The following GRM5 variants were observed in gnomAD, a reference collection of about 807,000 sequenced individuals.
GRM5 encodes glutamate metabotropic receptor 5.
Under a neutral mutation model 83.1 loss-of-function variants are expected in GRM5, and 19 were observed. The ratio of observed to expected loss-of-function variants is 0.23; its 90% CI spans 0.16 to 0.34. The LOEUF (loss-of-function observed/expected upper bound fraction) is 0.34, where lower values mean the gene tolerates loss of function less well. Among genes scored for constraint, GRM5 ranks in the 10% least tolerant of loss-of-function variants. The probability of loss-of-function intolerance (pLI) is 1.00; values close to 1 mark genes in which losing one functional copy is unlikely to be tolerated. For missense variants in GRM5, 1,160 were observed against 1,588.3 expected, an observed-to-expected ratio of 0.73 and a Z score of 4.58; for synonymous variants, 675 against 633.6, an observed-to-expected ratio of 1.07 and a Z score of -0.98.
chr11:88,816,004 G>C (rs1352152801), intron 3 of GRM5, among the ~76,000 whole-genome samples: 17 of 148,270 alleles, frequency 1.1e-4, no homozygotes, highest in African/African-American at 4.4e-4. Flanking sequence ...ATGAGGTCAG[G>C]AGATCGAGAC....
At chr11:88,565,396 G>C (rs1411351784) in intron 8 of GRM5, among the ~76,000 whole-genome samples, 11 of 152,200 alleles carry the variant, frequency 7.2e-5, no homozygotes, top group Admixed American at 7.2e-4. Context: ...GGCAGCCAGT[G>C]TTCTCTGCCA....
At chr11:88,990,653 G>A (rs1939931012) in intron 2 of GRM5, among the ~76,000 whole-genome samples, 1 of 149,880 alleles carries the variant, frequency 6.7e-6, no homozygotes, top group African/African-American at 2.5e-5. Flanking sequence ...ACATCAAAAA[G>A]CTTATCCACC....
intron 4 of GRM5, among the ~76,000 whole-genome samples, chr11:88,637,069 T>C (rs918833040): frequency 6.6e-6 from 1 of 151,786 alleles, no homozygotes; most frequent in Non-Finnish European, 1.5e-5. Flanking sequence ...TTTAAAGTAG[T>C]TTTTTCCAAT....
At chr11:88,626,816 T>C (rs1013281037) in intron 4 of GRM5, among the ~76,000 whole-genome samples, 1 of 152,222 alleles carries the variant, frequency 6.6e-6, no homozygotes, top group African/African-American at 2.4e-5. Flanking sequence ...ATAAAGAAGA[T>C]ACAAAAAAAA....
chr11:88,732,656 G>A (rs1157482975), intron 3 of GRM5, among the ~76,000 whole-genome samples: 3 of 152,032 alleles, frequency 2.0e-5, no homozygotes, highest in Admixed American at 2.0e-4. Flanking sequence ...GACTTAAAGT[G>A]AAAAATACTC....
intron 2 of GRM5, among the ~76,000 whole-genome samples, chr11:88,971,472 C>T (rs1939162494): frequency 6.6e-6 from 1 of 152,058 alleles, no homozygotes; most frequent in Admixed American, 6.6e-5. Context: ...CTTTTTTCCC[C>T]TTCTTTGCAT....
intron 3 of GRM5, among the ~76,000 whole-genome samples, chr11:88,849,446 T>C (rs60939373): frequency 0.028 from 4,189 of 152,232 alleles, 198 homozygotes; most frequent in African/African-American, 0.094. Flanking sequence ...TTTTGTGATA[T>C]AAAATAACAA....
At chr11:88,595,444 T>G (rs1364261597) in intron 6 of GRM5, among the ~76,000 whole-genome samples, 1 of 152,170 alleles carries the variant, frequency 6.6e-6, no homozygotes, top group Non-Finnish European at 1.5e-5. Flanking sequence ...GTTCTAATTT[T>G]TACTTCTGTG....
intron 2 of GRM5, among the ~76,000 whole-genome samples, chr11:88,982,022 C>T (rs1939869682): frequency 1.3e-5 from 2 of 152,158 alleles, no homozygotes. Flanking sequence ...TGATGTATTG[C>T]TCCAACATGT....
At chr11:88,509,576 G>T in intron 9 of GRM5, 72 bp from the exon 10 acceptor site, 1 of 1,147,588 alleles carries the variant, frequency 8.7e-7, no homozygotes, top group Non-Finnish European at 1.3e-6. Flanking sequence ...TTCCCCAATG[G>T]TGGTTGCTCA....
At chr11:88,576,360 CTT>C (rs1429584594) in intron 7 of GRM5, among the ~76,000 whole-genome samples, 1 of 152,162 alleles carries the variant, frequency 6.6e-6, no homozygotes, top group Admixed American at 6.5e-5. Flanking sequence ...AGTATTGTCT[CTT>C]TGAAATGGTA....
chr11:89,057,824 C>T (rs1941909536), intron 1 of GRM5, among the ~76,000 whole-genome samples: 1 of 152,106 alleles, frequency 6.6e-6, no homozygotes, highest in Non-Finnish European at 1.5e-5. Context: ...TCTCCACTTA[C>T]TTATTAATAC....
intron 8 of GRM5, among the ~76,000 whole-genome samples, chr11:88,557,171 C>T (rs907211642): frequency 6.6e-6 from 1 of 151,892 alleles, no homozygotes; most frequent in East Asian, 1.9e-4. Context: ...TATGTGCTTC[C>T]GTTACTAATT....
chr11:88,920,643 G>A (rs1250424414), intron 2 of GRM5, among the ~76,000 whole-genome samples: 1 of 151,996 alleles, frequency 6.6e-6, no homozygotes, highest in Non-Finnish European at 1.5e-5. Context: ...AAAAATGCAG[G>A]ACAATATCTC....
chr11:89,020,671 C>T (rs184327762), intron 2 of GRM5, among the ~76,000 whole-genome samples: 289 of 152,288 alleles, frequency 1.9e-3, no homozygotes, highest in African/African-American at 6.7e-3. Flanking sequence ...CAGCTTCATG[C>T]CTATCTGGTT....
intron 3 of GRM5, among the ~76,000 whole-genome samples, chr11:88,713,477 G>GTTGT (rs1402985486): frequency 1.1e-4 from 16 of 152,126 alleles, no homozygotes; most frequent in African/African-American, 3.4e-4. Context: ...ATGCTGACGA[G>GTTGT]TTGTTTATTA....
chr11:89,035,589 A>G (rs756740265), intron 2 of GRM5, among the ~76,000 whole-genome samples: 10 of 151,896 alleles, frequency 6.6e-5, no homozygotes, highest in Admixed American at 2.0e-4. Context: ...TTTTCATTCT[A>G]TTTTTATTCT....
chr11:88,527,787 C>T (rs1941913937), intron 8 of GRM5, among the ~76,000 whole-genome samples: 1 of 152,012 alleles, frequency 6.6e-6, no homozygotes, highest in Non-Finnish European at 1.5e-5. Context: ...ATGTCCTTTA[C>T]ACATGAATAG....
chr11:88,593,224 GA>G (rs1189169866), intron 6 of GRM5, among the ~76,000 whole-genome samples: 3 of 152,154 alleles, frequency 2.0e-5, no homozygotes, highest in Non-Finnish European at 4.4e-5. Flanking sequence ...AATGCCATGA[GA>G]TGTTGATATC....
Sources: gnomAD v4.1 joint callset for allele counts (sites outside exome capture counted in the v4.1 genomes callset) on GRCh38, gnomAD v4.1.1 for gene constraint, MANE v1.5 for transcripts, NCBI Gene and HGNC (gene_info 2026-07-23, HGNC 2026-07-21) for gene names.